The following NEGR1 variants were observed in gnomAD, a reference collection of about 807,000 sequenced individuals.
The protein encoded by NEGR1 is neuronal growth regulator 1.
A neutral mutation model predicts 40.9 loss-of-function variants in NEGR1; 10 were observed. The ratio of observed to expected loss-of-function variants is 0.24; its 90% confidence interval spans 0.15 to 0.42. The LOEUF (loss-of-function observed/expected upper bound fraction) is 0.42, where lower values mean the gene tolerates loss of function less well. Among genes scored for constraint, NEGR1 ranks in the 10% least tolerant of loss-of-function variants. The pLI is 1.00. For missense variants in NEGR1, 352 were observed against 438.9 expected (o/e 0.80, Z 1.77); for synonymous variants, 185 against 166.8 (o/e 1.11, Z -0.84).
intron 1 of NEGR1, among the ~76,000 whole-genome samples, chr1:72,252,116 C>A (rs1268628749): frequency 1.3e-5 from 2 of 150,378 alleles, no homozygotes; most frequent in Non-Finnish European, 3.0e-5. Context: ...CTTTTTTTTT[C>A]TTTTTTTAGA....
chr1:72,225,942 A>G (rs1654177007), intron 1 of NEGR1, among the ~76,000 whole-genome samples: 1 of 151,816 alleles, frequency 6.6e-6, no homozygotes, highest in Non-Finnish European at 1.5e-5. Context: ...GTACATTACT[A>G]TGTAAATATA....
intron 1 of NEGR1, among the ~76,000 whole-genome samples, chr1:72,038,545 T>C (rs1646924564): frequency 6.6e-6 from 1 of 152,034 alleles, no homozygotes; most frequent in South Asian, 2.1e-4. Context: ...CTCTTCTGCA[T>C]AATAACTCCA....
chr1:72,104,925 T>C (rs1649079970), intron 1 of NEGR1, among the ~76,000 whole-genome samples: 1 of 152,132 alleles, frequency 6.6e-6, no homozygotes, highest in Non-Finnish European at 1.5e-5. Context: ...GTACAGTCTG[T>C]TCACGTGGCA....
intron 4 of NEGR1, among the ~76,000 whole-genome samples, chr1:71,662,690 T>C (rs1293200908): frequency 1.3e-5 from 2 of 151,052 alleles, no homozygotes; most frequent in Non-Finnish European, 3.0e-5. Flanking sequence ...CAATCAAGAA[T>C]ATATATATAA....
At chr1:71,776,814 A>C (rs1656527931) in intron 2 of NEGR1, among the ~76,000 whole-genome samples, 1 of 152,140 alleles carries the variant, frequency 6.6e-6, no homozygotes, top group African/African-American at 2.4e-5. Flanking sequence ...TCTATCTGCC[A>C]GGTAGTAGGG....
intron 3 of NEGR1, among the ~76,000 whole-genome samples, chr1:71,733,866 C>T (rs1194653113): frequency 6.6e-6 from 1 of 152,084 alleles, no homozygotes; most frequent in East Asian, 1.9e-4. Flanking sequence ...GCTACATCTT[C>T]CCCCCACTAT....
At chr1:72,242,272 A>C (rs1654769668) in intron 1 of NEGR1, among the ~76,000 whole-genome samples, 1 of 151,908 alleles carries the variant, frequency 6.6e-6, no homozygotes, top group Non-Finnish European at 1.5e-5. Flanking sequence ...GGATGCTAAA[A>C]ATTTGACCTG....
At chr1:72,240,290 T>C (rs1447231855) in intron 1 of NEGR1, among the ~76,000 whole-genome samples, 3 of 151,844 alleles carry the variant, frequency 2.0e-5, no homozygotes, top group Non-Finnish European at 4.4e-5. Context: ...GAAAAGAAAG[T>C]ATCTAGTTTG....
chr1:72,075,969 C>A, intron 1 of NEGR1, among the ~76,000 whole-genome samples: 1 of 152,114 alleles, frequency 6.6e-6, no homozygotes, highest in Admixed American at 6.6e-5. Context: ...CCAATGTCTT[C>A]ACATTTCATG....
intron 2 of NEGR1, among the ~76,000 whole-genome samples, chr1:71,806,047 C>A (rs1275857382): frequency 6.6e-6 from 1 of 152,008 alleles, no homozygotes; most frequent in East Asian, 1.9e-4. Context: ...TAATATCTAA[C>A]TCAAGAATCT....
At chr1:72,267,216 T>C (rs1195500906) in intron 1 of NEGR1, among the ~76,000 whole-genome samples, 1 of 151,090 alleles carries the variant, frequency 6.6e-6, no homozygotes, top group African/African-American at 2.4e-5. Context: ...ATTTTTAAAA[T>C]AATTCATAGA....
intron 1 of NEGR1, among the ~76,000 whole-genome samples, chr1:71,942,479 ATATATTTTTTTTTTTTTTTTT>A (rs1272732781): frequency 4.9e-4 from 8 of 16,426 alleles, no homozygotes; most frequent in African/African-American, 1.6e-3. Flanking sequence ...ATATATATAT[ATATATTTTTTTTTTTTTTTTT>A]TTTTTTTTTT....
At chr1:71,574,439 A>G (rs1217208917) in intron 6 of NEGR1, among the ~76,000 whole-genome samples, 2 of 152,144 alleles carry the variant, frequency 1.3e-5, no homozygotes, top group Admixed American at 6.5e-5. Context: ...CTTTTTTAGC[A>G]CAGTTGCAAA....
At position 72,275,094 on chromosome 1, in the gene NEGR1, G is replaced by A. The variant is rs879097409; in HGVS notation, c.176+7225C>T. On this transcript the variant is annotated intron_variant, in intron 1 of 6. Transcript: ENST00000357731. ...TTAGCACCAGTGACCTCCTGATACC[G>A]AAAGACTTGGGAACAGAAAGCCAGA... 141 of 893,528 alleles carry A rather than the reference G, an allele frequency of 1.6e-4. 1 individual carries two copies. The South Asian group carries it at 1.6e-3, about 10-fold the overall frequency. 55.3% of individuals were successfully genotyped at this position (893,528 alleles called of 1,614,324 possible).
At chr1:71,943,555 C>G (rs1190121823) in intron 1 of NEGR1, among the ~76,000 whole-genome samples, 1 of 151,804 alleles carries the variant, frequency 6.6e-6, no homozygotes, top group East Asian at 1.9e-4. Flanking sequence ...AGGGGCCATG[C>G]CAAACAATTT....
At chr1:71,978,129 A>G (rs1646322893) in intron 1 of NEGR1, among the ~76,000 whole-genome samples, 1 of 152,190 alleles carries the variant, frequency 6.6e-6, no homozygotes, top group African/African-American at 2.4e-5. Flanking sequence ...CATTGAAGAT[A>G]AAAAAGCCTT....
At chr1:71,848,583 A>G (rs1659498084) in intron 2 of NEGR1, among the ~76,000 whole-genome samples, 1 of 152,198 alleles carries the variant, frequency 6.6e-6, no homozygotes, top group African/African-American at 2.4e-5. Flanking sequence ...ATGGTTTACT[A>G]AATATTTAAG....
At chr1:71,506,155 A>G (rs2101408805) in intron 6 of NEGR1, among the ~76,000 whole-genome samples, 1 of 152,288 alleles carries the variant, frequency 6.6e-6, no homozygotes, top group Middle Eastern at 3.4e-3. Flanking sequence ...AAAGACAAAA[A>G]ATCTGTATCT....
intron 1 of NEGR1, among the ~76,000 whole-genome samples, chr1:72,058,358 G>A (rs1647131269): frequency 6.6e-6 from 1 of 151,544 alleles, no homozygotes; most frequent in Non-Finnish European, 1.5e-5. Flanking sequence ...CTGAAAGCAT[G>A]TTCCCATTAG....
Sources: allele counts gnomAD v4.1 joint callset (sites outside exome capture counted in the v4.1 genomes callset), GRCh38; gene constraint gnomAD v4.1.1; transcripts MANE v1.5; gene names NCBI Gene and HGNC (gene_info 2026-07-23, HGNC 2026-07-21).